Variants in SUPT6H observed in about 807,000 individuals in gnomAD.
SUPT6H encodes SPT6 homolog, histone chaperone and transcription elongation factor.
In SUPT6H, 11 loss-of-function variants were observed where a neutral mutation model predicts 222.3. The ratio of observed to expected loss-of-function variants is 0.05; its 90% CI spans 0.03 to 0.08. The LOEUF is 0.08. Among genes scored for constraint, SUPT6H ranks in the 10% least tolerant of loss-of-function variants. The pLI, the probability that SUPT6H is intolerant of heterozygous loss-of-function variation, is 1.00. For missense variants in SUPT6H, 1,422 were observed against 2,216.0 expected, an observed-to-expected ratio of 0.64 and a Z score of 7.19; for synonymous variants, 762 against 801.2, an observed-to-expected ratio of 0.95 and a Z score of 0.83.
rs1230236857 is a variant in SUPT6H at position 28,701,456 on chromosome 17, C to A, written c.5012C>A (p.Ala1671Asp). 6.2e-7 allele frequency: 1 copy of A among 1,614,104 alleles called. No individual in the cohort carries two copies. Among genetic ancestry groups the A allele is most frequent in the South Asian group, 1.1e-5 (1 of 91,086 alleles). ...CCTCCCAGGTCCAACAGCCATGCAG[C>A]CATCGACTGGGGAAAAATGGCGGAG... ...QQQPKSNSHA[A>D]IDWGKMAEQW... The change falls in exon 37 of 37, where the codon GCC (alanine) becomes GAC (aspartate). Residue 1671 changes from alanine (A) to aspartate (D), a missense_variant. Around this residue, in one of 13 missense-constraint regions of SUPT6H, gnomAD observed 395 missense variants for 580.6 expected, o/e 0.68. Transcript: ENST00000314616.
Position 28,682,787 on chromosome 17 carries a change from G to T in SUPT6H, c.1658G>T (p.Ser553Ile). Residue 553 changes from serine (S) to isoleucine (I), a missense_variant, in exon 14 of 37, where the codon AGC (serine) becomes ATC (isoleucine). Coordinates refer to ENST00000314616, the MANE Select transcript of SUPT6H (RefSeq NM_003170.5). The stretch of plus-strand genomic sequence containing the variant: ...CAGTTTGGGGAGAACCTGCGGGATA[G>T]CTACCAGCGGCACGAGACAGAGCAG... ...PEQFGENLRD[S>I]YQRHETEQFP... is the part of the protein sequence containing the mutation. 2 of 1,614,212 alleles carry T rather than the reference G, an allele frequency of 1.2e-6. No homozygotes were observed. The highest frequency in any genetic ancestry group is 1.7e-6 in the Non-Finnish European group (2 of 1,180,042).
chr17:28,678,814 A>C lies in SUPT6H; in HGVS notation c.1207-7A>C. 2 of 1,613,876 alleles carry C rather than the reference A, an allele frequency of 1.2e-6. No individual in the cohort carries two copies. Among genetic ancestry groups the C allele is most frequent in the Non-Finnish European group, 1.7e-6 (2 of 1,179,974 alleles). On this transcript the variant is annotated splice_polypyrimidine_tract_variant and splice_region_variant and intron_variant, in intron 10 of 36. Transcript: ENST00000314616. ...CAAGCTCTCATTCCTGCCCTACTTC[A>C]CCTTAGTGGACCCAGCTGCGGATCC... is the stretch of plus-strand genomic sequence containing the variant.
At chr17:28,685,741 C>T (rs1046148093) in intron 19 of SUPT6H, among the ~76,000 whole-genome samples, 1 of 152,186 alleles carries the variant, frequency 6.6e-6, no homozygotes, top group Non-Finnish European at 1.5e-5. Flanking sequence ...GCCTCAGCCT[C>T]CCAAAGTGCT....
intron 29 of SUPT6H, 129 bp downstream of exon 29, chr17:28,695,676 G>A: frequency 9.2e-7 from 1 of 1,081,614 alleles, no homozygotes; most frequent in South Asian, 1.7e-5. Context: ...GAGGTGCTAA[G>A]GCCTGGAGAT....
At chr17:28,700,109 C>T (rs1174944234) in intron 33 of SUPT6H, 64 bp from the exon 34 acceptor site, 3 of 1,609,124 alleles carry the variant, frequency 1.9e-6, no homozygotes, top group Non-Finnish European at 2.6e-6. Context: ...CCCTTCCACC[C>T]CCTGAATTGG....
chr17:28,700,442 C>T lies in SUPT6H; in HGVS notation c.4736C>T (p.Ala1579Val). ...AVTGQGQNPN[A>V]TPAQWASSQY... is the part of the protein sequence containing the mutation. ...ACAGGCCAAGGACAGAACCCTAATG[C>T]CACCCCAGCCCAGTGGGCCTCCAGC... is the stretch of plus-strand genomic sequence containing the variant. The change falls in exon 35 of 37, where the codon GCC (alanine) becomes GTC (valine). Residue 1579 changes from alanine to valine, a missense_variant. Transcript: ENST00000314616. 1 of 1,614,234 alleles carries T rather than the reference C, an allele frequency of 6.2e-7. No individual in the cohort carries two copies. The highest frequency in any genetic ancestry group is 2.2e-5 in the East Asian group (1 of 44,888).
chr17:28,663,926 G>A (rs2072118540), intron 1 of SUPT6H, among the ~76,000 whole-genome samples: 1 of 141,292 alleles, frequency 7.1e-6, no homozygotes, highest in Non-Finnish European at 1.5e-5. Context: ...GAACTCCTGA[G>A]CTCAAGCAGT....
intron 11 of SUPT6H, 176 bp from the exon 12 acceptor site, chr17:28,681,080 C>T (rs1375400062): frequency 7.7e-6 from 5 of 651,448 alleles, no homozygotes; most frequent in Non-Finnish European, 1.3e-5. Flanking sequence ...GTCTGGGCAA[C>T]AGAGTGAGAC....
intron 1 of SUPT6H, among the ~76,000 whole-genome samples, chr17:28,666,640 C>A (rs2030037781): frequency 6.6e-6 from 1 of 151,186 alleles, no homozygotes; most frequent in African/African-American, 2.4e-5. Context: ...CAAGCTCTGA[C>A]TCCCACGTTC....
Position 28,688,010 on chromosome 17 carries a change from T to C in SUPT6H, c.3007-81T>C, listed in dbSNP as rs1383242278. On this transcript the variant is annotated intron_variant, in intron 23 of 36. Coordinates refer to ENST00000314616, the MANE Select transcript of SUPT6H (RefSeq NM_003170.5). The surrounding 1 kb of genome is among the most constrained non-coding windows in gnomAD (Gnocchi z 4.3). ...ACTGGGTGGGACAGAGTTTTTGTTA[T>C]GAGGGTTTAATAGAGACTGGAACAG... 14 of 1,414,036 alleles carry C rather than the reference T, an allele frequency of 9.9e-6. No homozygotes were observed. The highest frequency in any genetic ancestry group is 1.8e-5 in the South Asian group (1 of 55,860). The allele number at this position is 1,414,036 out of a possible 1,614,324, so 87.6% of individuals were successfully genotyped here.
chr17:28,677,630 A>C, intron 7 of SUPT6H, 85 bp from the exon 8 acceptor site: 1 of 913,316 alleles, frequency 1.1e-6, no homozygotes, highest in Middle Eastern at 2.2e-4. Context: ...CTTGATGATC[A>C]CACGTTTCTG....
chr17:28,675,304 C>T, intron 5 of SUPT6H, 97 bp from the exon 6 acceptor site: 1 of 1,492,472 alleles, frequency 6.7e-7, no homozygotes, highest in Non-Finnish European at 9.3e-7. Flanking sequence ...CTTCCCTTCT[C>T]TGTTGCTCAC....
At chr17:28,665,586 C>T (rs369632650) in intron 1 of SUPT6H, among the ~76,000 whole-genome samples, 7 of 151,974 alleles carry the variant, frequency 4.6e-5, no homozygotes, top group Admixed American at 3.3e-4. Flanking sequence ...GGTGAAACCC[C>T]GTCTCTGTTA....
intron 1 of SUPT6H, among the ~76,000 whole-genome samples, chr17:28,664,177 G>A (rs914642833): frequency 2.5e-4 from 38 of 152,120 alleles, no homozygotes; most frequent in African/African-American, 8.9e-4. Context: ...TTCCTTCTGA[G>A]TCTCATTTGC....
In SUPT6H at chr17:28,667,405, G is replaced by GTGTA. The variant is rs1465539733; in HGVS notation, c.-32+5064_-32+5065insGTAT. On this transcript the variant is annotated intron_variant, in intron 1 of 36. Transcript: ENST00000314616. ...AAAAAAAAAAAAAAAGTGTGTGTGT[G>GTGTA]TATATATATATATATATATATATAT... 2.0e-3 allele frequency among the ~76,000 whole-genome samples: 99 copies of GTGTA among 49,306 alleles called. 3 individuals are homozygous for GTGTA. Among genetic ancestry groups the GTGTA allele is most frequent in the African/African-American group, 6.0e-3 (75 of 12,522 alleles). 32.3% of individuals were successfully genotyped at this position (49,306 alleles called of 152,430 possible). A position where few individuals can be genotyped will look rare whatever the true frequency, so the allele number is the denominator to read the frequency against.
chr17:28,696,296 CAAAA>C (rs1185490286), intron 29 of SUPT6H, among the ~76,000 whole-genome samples: 1 of 53,720 alleles, frequency 1.9e-5, no homozygotes. Flanking sequence ...GACTCTGTCT[CAAAA>C]AAAAAAAAAA....
chr17:28,698,016 C>G lies in SUPT6H; in HGVS notation c.4434C>G (p.Pro1478=), dbSNP rs1234438117. 1 of 1,610,442 alleles carries G rather than the reference C, an allele frequency of 6.2e-7. No individual in the cohort carries two copies. Among genetic ancestry groups the G allele is most frequent in the East Asian group, 2.2e-5 (1 of 44,880 alleles). ...LPGKFLLGYQ[P]RGKPRIEYVT... is the part of the protein sequence containing the mutation. ...GCAAGTTCCTACTGGGATACCAGCC[C>G]CGGGGTAAACCCAGGTGAGCACTAG... Residue 1478 remains proline (P), a synonymous_variant, in exon 32 of 37, where the codon CCC becomes CCG. Transcript: ENST00000314616.
At chr17:28,669,773 A>G (rs2151606922) in intron 1 of SUPT6H, among the ~76,000 whole-genome samples, 1 of 152,038 alleles carries the variant, frequency 6.6e-6, no homozygotes, top group African/African-American at 2.4e-5. Context: ...CATCTCTACT[A>G]AAAAAAACAA....
intron 20 of SUPT6H, 104 bp downstream of exon 20, chr17:28,686,519 AG>A: frequency 6.5e-7 from 1 of 1,536,480 alleles, no homozygotes; most frequent in East Asian, 2.3e-5. Context: ...GTGCTTGTGC[AG>A]GGAGTGTCCC....
Sources: gnomAD v4.1 joint callset for allele counts (sites outside exome capture counted in the v4.1 genomes callset) on GRCh38, gnomAD v4.1.1 for gene constraint, gnomAD v4.1.1 regional missense constraint, Gnocchi (gnomAD v3.1) non-coding constraint, MANE v1.5 for transcripts, NCBI Gene and HGNC (gene_info 2026-07-23, HGNC 2026-07-21) for gene names.